RORB: variants seen among roughly 807,000 people sequenced by gnomAD.
The protein encoded by RORB is RAR related orphan receptor B.
Under a neutral mutation model 59.1 loss-of-function variants are expected in RORB, and 6 were observed. The observed-to-expected ratio is 0.10, with a 90% confidence interval of 0.06 to 0.20. The LOEUF (loss-of-function observed/expected upper bound fraction) is 0.20. Ranked by LOEUF, RORB falls within the 10% of genes least tolerant of loss-of-function variation. The pLI is 1.00. For synonymous variants in RORB, 215 were observed against 204.5 expected, an observed-to-expected ratio of 1.05 and a Z score of -0.44; for missense variants, 320 against 560.5, an observed-to-expected ratio of 0.57 and a Z score of 4.33.
intron 1 of RORB, among the ~76,000 whole-genome samples, chr9:74,620,163 G>T (rs1309343166): frequency 2.6e-5 from 4 of 152,088 alleles, no homozygotes; most frequent in Non-Finnish European, 5.9e-5. Context: ...CTGTGAATCC[G>T]TCTGGTCCTG....
intron 1 of RORB, among the ~76,000 whole-genome samples, chr9:74,530,672 T>A (rs945545744): frequency 2.6e-5 from 4 of 152,010 alleles, no homozygotes; most frequent in Non-Finnish European, 5.9e-5. Flanking sequence ...CAAGGTGGCG[T>A]TGTTTCTAAT....
chr9:74,541,279 C>CAAAAAAAAAAAAAAAAAAAAAAAAAAAAA (rs374556016), intron 1 of RORB, among the ~76,000 whole-genome samples: 2 of 43,572 alleles, frequency 4.6e-5, no homozygotes, highest in South Asian at 1.1e-3. Flanking sequence ...GACTCCATCT[C>CAAAAAAAAAAAAAAAAAAAAAAAAAAAAA]AAAAAAAAAA....
chr9:74,627,042 G>A (rs1399930915), intron 1 of RORB, among the ~76,000 whole-genome samples: 1 of 151,910 alleles, frequency 6.6e-6, no homozygotes, highest in Non-Finnish European at 1.5e-5. Context: ...CACACCGGTA[G>A]TCCCAGCTGC....
intron 4 of RORB, among the ~76,000 whole-genome samples, chr9:74,644,700 T>C (rs867444246): frequency 7.9e-5 from 12 of 152,200 alleles, no homozygotes; most frequent in Admixed American, 6.5e-4. Flanking sequence ...AATATCTAAG[T>C]TCCTGAGTCT....
At chr9:74,672,915 G>C (rs1824371982) in intron 9 of RORB, among the ~76,000 whole-genome samples, 1 of 152,038 alleles carries the variant, frequency 6.6e-6, no homozygotes, top group Non-Finnish European at 1.5e-5. Context: ...TTTTAAAAAG[G>C]GGGATGGTAA....
rs370195882 is a variant in RORB, at chr9:74,672,028, T to C, written c.1224+127T>C. ...TGAAAGTTACCAAAGACTGCATAAA[T>C]TGTGAGGTATGCAATTTAAAAGAGA... On this transcript the variant is annotated intron_variant, in intron 9 of 9. Transcript: ENST00000376896. 2.4e-4 allele frequency: 135 copies of C among 570,100 alleles called. 1 individual carries two copies. The highest frequency in any genetic ancestry group is 2.3e-3 in the African/African-American group (121 of 52,472). The allele number at this position is 570,100 out of a possible 1,614,324, so 35.3% of individuals were successfully genotyped here.
intron 4 of RORB, among the ~76,000 whole-genome samples, chr9:74,648,968 T>C (rs1383112648): frequency 1.3e-5 from 2 of 151,638 alleles, no homozygotes; most frequent in Non-Finnish European, 1.5e-5. Flanking sequence ...TGAAGATAGG[T>C]TCTTTTTTTT....
intron 1 of RORB, among the ~76,000 whole-genome samples, chr9:74,557,225 G>A (rs1335996634): frequency 2.6e-5 from 4 of 152,112 alleles, no homozygotes; most frequent in Non-Finnish European, 4.4e-5. Flanking sequence ...GTCATCACAT[G>A]GCATTCTCTA....
At chr9:74,644,254 T>C (rs925126156) in intron 4 of RORB, among the ~76,000 whole-genome samples, 3 of 152,180 alleles carry the variant, frequency 2.0e-5, no homozygotes, top group Admixed American at 6.5e-5. Flanking sequence ...GTGAGTAACA[T>C]TGTTGACAAA....
chr9:74,662,649 G>T, intron 6 of RORB, 43 bp downstream of exon 6: 1 of 1,604,242 alleles, frequency 6.2e-7, no homozygotes. Flanking sequence ...AGATAAGGAT[G>T]TGGTCAGCCC....
chr9:74,514,730 T>C (rs1361299309), intron 1 of RORB, among the ~76,000 whole-genome samples: 1 of 150,332 alleles, frequency 6.7e-6, no homozygotes, highest in African/African-American at 2.4e-5. Flanking sequence ...ATAAGACAAT[T>C]GTAAACCTCA....
At chr9:74,545,586 A>C (rs1481996496) in intron 1 of RORB, among the ~76,000 whole-genome samples, 1 of 152,222 alleles carries the variant, frequency 6.6e-6, no homozygotes, top group East Asian at 1.9e-4. Flanking sequence ...CTCAAGAAGA[A>C]AAACAAGCAA....
At chr9:74,683,142 A>G (rs1464504349) in intron 9 of RORB, among the ~76,000 whole-genome samples, 2 of 152,226 alleles carry the variant, frequency 1.3e-5, no homozygotes, top group South Asian at 2.1e-4. Flanking sequence ...ATAGAGTTGC[A>G]TCTGGAAGTT....
intron 1 of RORB, among the ~76,000 whole-genome samples, chr9:74,555,650 G>A (rs1822277319): frequency 6.6e-6 from 1 of 152,192 alleles, no homozygotes; most frequent in Non-Finnish European, 1.5e-5. Flanking sequence ...GGTCTTGGAT[G>A]GCAGCTCCCT....
chr9:74,580,658 A>G (rs1388208055), intron 1 of RORB, among the ~76,000 whole-genome samples: 1 of 152,158 alleles, frequency 6.6e-6, no homozygotes, highest in Non-Finnish European at 1.5e-5. Flanking sequence ...TATGTTCATC[A>G]GGGATAGTAA....
At chr9:74,579,321 A>C (rs1822684871) in intron 1 of RORB, among the ~76,000 whole-genome samples, 1 of 152,180 alleles carries the variant, frequency 6.6e-6, no homozygotes, top group South Asian at 2.1e-4. Flanking sequence ...CACATTAATT[A>C]ATGATTTACA....
intron 1 of RORB, among the ~76,000 whole-genome samples, chr9:74,525,488 T>C (rs1826144341): frequency 6.6e-6 from 1 of 151,982 alleles, no homozygotes. Flanking sequence ...TTTATCTTTA[T>C]ACATAACTGA....
At chr9:74,530,233 C>A (rs2118094854) in intron 1 of RORB, among the ~76,000 whole-genome samples, 1 of 152,120 alleles carries the variant, frequency 6.6e-6, no homozygotes, top group South Asian at 2.1e-4. Context: ...TGATTCTATT[C>A]ATTTCTTTTG....
At chr9:74,574,625 C>A (rs1240160486) in intron 1 of RORB, among the ~76,000 whole-genome samples, 1 of 152,098 alleles carries the variant, frequency 6.6e-6, no homozygotes, top group Non-Finnish European at 1.5e-5. Context: ...AACAACAAAA[C>A]CTCAGAGTCA....
Sources: gnomAD v4.1 joint callset for allele counts (sites outside exome capture counted in the v4.1 genomes callset) on GRCh38, gnomAD v4.1.1 for gene constraint, MANE v1.5 for transcripts, NCBI Gene and HGNC (gene_info 2026-07-23, HGNC 2026-07-21) for gene names.